Variants in ME2 observed in about 807,000 individuals in gnomAD.
ME2 encodes the protein malic enzyme 2.
Under a neutral mutation model 73.7 loss-of-function variants are expected in ME2, and 60 were observed. The observed-to-expected ratio is 0.81, with a 90% CI of 0.66 to 1.01. ME2 has a LOEUF of 1.01. Ranked by LOEUF, ME2 falls within the 50% of genes least tolerant of loss-of-function variation. The pLI is 0.00. For synonymous variants in ME2, 199 were observed against 236.9 expected (o/e 0.84, Z 1.47); for missense variants, 594 against 705.5 (o/e 0.84, Z 1.79).
chr18:50,912,718 A>T, intron 3 of ME2, 83 bp from the exon 4 acceptor site: 1 of 1,132,220 alleles, frequency 8.8e-7, no homozygotes, highest in East Asian at 2.8e-5. Context: ...TCAATTTTAG[A>T]CATTTAGGTT....
At chr18:50,944,878 T>C (rs939224592) in intron 15 of ME2, among the ~76,000 whole-genome samples, 7 of 152,056 alleles carry the variant, frequency 4.6e-5, no homozygotes, top group African/African-American at 1.7e-4. Context: ...ATTATGCTGC[T>C]CACTGGCTTC....
At chr18:50,940,647 A>G (rs550037104) in intron 15 of ME2, among the ~76,000 whole-genome samples, 60 of 152,250 alleles carry the variant, frequency 3.9e-4, no homozygotes, top group African/African-American at 7.9e-4. Flanking sequence ...TTTAAAGAAT[A>G]GAGATAGGGG....
chr18:50,932,183 A>G, intron 12 of ME2, 75 bp from the exon 13 acceptor site: 1 of 1,279,306 alleles, frequency 7.8e-7, no homozygotes, highest in Non-Finnish European at 1.1e-6. Flanking sequence ...TCAGGACTTG[A>G]TTTTGTATGA....
At chr18:50,908,944 T>C (rs1232420089) in intron 3 of ME2, among the ~76,000 whole-genome samples, 1 of 113,642 alleles carries the variant, frequency 8.8e-6, no homozygotes, top group Non-Finnish European at 1.7e-5. Flanking sequence ...CCTGGACTTT[T>C]TCTTTTCTTT....
rs1917535903 is a variant in ME2 at position 50,925,751 on chromosome 18, T to A, written c.1172-5T>A. Reference sequence around the variant, plus strand: ...GTTGCTGTTTTTCCCCCTTACTTATTACAGGAGTTGCAGGTGCTGGCCGTC... The same window carrying A: ...GTTGCTGTTTTTCCCCCTTACTTATAACAGGAGTTGCAGGTGCTGGCCGTC... On this transcript the variant is annotated splice_polypyrimidine_tract_variant and splice_region_variant and intron_variant, in intron 11 of 15. Coordinates refer to ENST00000321341, the MANE Select transcript of ME2 (RefSeq NM_002396.5). 1.9e-6 allele frequency: 3 copies of A among 1,613,398 alleles called. No homozygotes were observed. The highest frequency in any genetic ancestry group is 2.5e-6 in the Non-Finnish European group (3 of 1,179,584).
At chr18:50,908,251 T>C (rs896710429) in intron 3 of ME2, 55 bp downstream of exon 3, 77 of 1,336,766 alleles carry the variant, frequency 5.8e-5, no homozygotes, top group Non-Finnish European at 7.4e-5. Context: ...AGAAAACTTA[T>C]GAGCATTATG....
At chr18:50,941,079 G>A (rs1486118507) in intron 15 of ME2, among the ~76,000 whole-genome samples, 2 of 151,662 alleles carry the variant, frequency 1.3e-5, no homozygotes, top group African/African-American at 4.8e-5. Context: ...CCAACATGGT[G>A]AAACCCCGTC....
chr18:50,890,118 A>T (rs983466544), intron 1 of ME2, among the ~76,000 whole-genome samples: 3 of 152,198 alleles, frequency 2.0e-5, no homozygotes, highest in Non-Finnish European at 2.9e-5. Flanking sequence ...TTCCAAAAAA[A>T]AATCAAAAGG....
Position 50,947,405 on chromosome 18 carries a change from A to G in ME2, c.*221A>G. On this transcript the variant is annotated 3_prime_UTR_variant, in exon 16 of 16. Coordinates refer to ENST00000321341, the MANE Select transcript of ME2 (RefSeq NM_002396.5). ...ACAGTCAGATAGTTGTGATGCTTTA[A>G]TTCTAACATACAGCCCGTACCACAT... is the stretch of plus-strand genomic sequence containing the variant. 5.7e-6 allele frequency: 3 copies of G among 525,068 alleles called. No individual in the cohort carries two copies. The highest frequency in any genetic ancestry group is 1.0e-5 in the Non-Finnish European group (3 of 295,328). The allele number at this position is 525,068 out of a possible 1,614,324, so 32.5% of individuals were successfully genotyped here.
At chr18:50,925,092 C>G (rs1042004458) in intron 11 of ME2, among the ~76,000 whole-genome samples, 1 of 152,064 alleles carries the variant, frequency 6.6e-6, no homozygotes, top group Non-Finnish European at 1.5e-5. Flanking sequence ...CTCTTTGTGA[C>G]TGGCTAATTT....
At chr18:50,893,945 C>G (rs1422134658) in intron 1 of ME2, among the ~76,000 whole-genome samples, 1 of 152,194 alleles carries the variant, frequency 6.6e-6, no homozygotes, top group Non-Finnish European at 1.5e-5. Context: ...TTCAGACATT[C>G]TTTTCATTTA....
At chr18:50,913,214 C>T in intron 4 of ME2, 1 of 242,286 alleles carries the variant, frequency 4.1e-6, no homozygotes, top group African/African-American at 2.2e-5. Flanking sequence ...CTGGAACCTG[C>T]TCCCCCACCA....
chr18:50,926,863 A>ATT (rs1917565050), intron 12 of ME2, among the ~76,000 whole-genome samples: 2 of 152,212 alleles, frequency 1.3e-5, no homozygotes, highest in Non-Finnish European at 2.9e-5. Flanking sequence ...TAATTTAGTA[A>ATT]CAGACTTAAA....
At chr18:50,914,793 C>G (rs964907503) in intron 4 of ME2, among the ~76,000 whole-genome samples, 1 of 152,170 alleles carries the variant, frequency 6.6e-6, no homozygotes, top group Non-Finnish European at 1.5e-5. Context: ...CAATGAGGAT[C>G]CACTGGCCCT....
intron 1 of ME2, among the ~76,000 whole-genome samples, chr18:50,895,420 TTTC>T (rs1916714572): frequency 6.6e-6 from 1 of 152,206 alleles, no homozygotes; most frequent in African/African-American, 2.4e-5. Flanking sequence ...GTGTCTCTGC[TTTC>T]TTATTATTTA....
chr18:50,921,623 C>T (rs1409499442), intron 10 of ME2, among the ~76,000 whole-genome samples: 1 of 152,120 alleles, frequency 6.6e-6, no homozygotes, highest in Non-Finnish European at 1.5e-5. Context: ...GTCACCCAGG[C>T]TGGAGTGCAG....
chr18:50,930,206 G>A (rs1246442883), intron 12 of ME2, among the ~76,000 whole-genome samples: 1 of 152,148 alleles, frequency 6.6e-6, no homozygotes, highest in East Asian at 1.9e-4. Flanking sequence ...GCTGCAGTGA[G>A]CTGTGATCGT....
chr18:50,945,388 G>A (rs1182375123), intron 15 of ME2: 1 of 152,184 alleles, frequency 6.6e-6, no homozygotes, highest in East Asian at 1.9e-4. Flanking sequence ...CCAAAGTGCT[G>A]GGATCATAGG....
chr18:50,898,331 C>T (rs1225738729), intron 2 of ME2, among the ~76,000 whole-genome samples: 1 of 152,174 alleles, frequency 6.6e-6, no homozygotes, highest in African/African-American at 2.4e-5. Flanking sequence ...TAAAAGTATA[C>T]AATTCAGTGA....
Sources: gnomAD v4.1 joint callset for allele counts (sites outside exome capture counted in the v4.1 genomes callset) on GRCh38, gnomAD v4.1.1 for gene constraint, MANE v1.5 for transcripts, NCBI Gene and HGNC (gene_info 2026-07-23, HGNC 2026-07-21) for gene names.